SRGAP3: variants seen among roughly 807,000 people sequenced by gnomAD.
The protein encoded by SRGAP3 is SLIT-ROBO Rho GTPase activating protein 3, also known as SLIT-ROBO Rho GTPase-activating protein 3.
A neutral mutation model predicts 121.1 loss-of-function variants in SRGAP3; 39 were observed. The observed-to-expected ratio is 0.32, with a 90% CI of 0.25 to 0.42. The LOEUF (loss-of-function observed/expected upper bound fraction) is 0.42. SRGAP3 is among the 10% of genes least tolerant of loss of function. The pLI is 1.00. For synonymous variants in SRGAP3, 601 were observed against 570.0 expected (o/e 1.05, Z -0.77); for missense variants, 1,213 against 1,470.6 (o/e 0.82, Z 2.86).
intron 2 of SRGAP3, among the ~76,000 whole-genome samples, chr3:9,113,598 C>G (rs1467450001): frequency 6.6e-6 from 1 of 152,048 alleles, no homozygotes; most frequent in African/African-American, 2.4e-5. Flanking sequence ...ACAGTTCCAC[C>G]CTGATATGGT....
At chr3:9,080,754 G>A (rs150455498) in intron 3 of SRGAP3, among the ~76,000 whole-genome samples, 4 of 152,200 alleles carry the variant, frequency 2.6e-5, no homozygotes, top group Non-Finnish European at 4.4e-5. Context: ...TGTGAACTGC[G>A]CATGTGGGGG....
intron 5 of SRGAP3, 68 bp from the exon 6 acceptor site, chr3:9,060,427 C>CATTTT (rs1946093194): frequency 3.0e-6 from 3 of 986,610 alleles, no homozygotes; most frequent in Non-Finnish European, 4.0e-6. Flanking sequence ...ATTTTCTATT[C>CATTTT]CTTTTTTTTT....
chr3:9,241,239 T>TA (rs987529179), intron 1 of SRGAP3, among the ~76,000 whole-genome samples: 27 of 148,070 alleles, frequency 1.8e-4, no homozygotes, highest in African/African-American at 4.2e-4. Flanking sequence ...ACATAGAAGC[T>TA]AAAAAAAAAA....
intron 1 of SRGAP3, among the ~76,000 whole-genome samples, chr3:9,232,976 G>GC (rs1953270362): frequency 6.6e-6 from 1 of 152,080 alleles, no homozygotes; most frequent in African/African-American, 2.4e-5. Flanking sequence ...TTTTAGTACT[G>GC]CCCCACCTTA....
At chr3:9,350,593 T>C (rs1173062717) in intron 1 of SRGAP3, among the ~76,000 whole-genome samples, 3 of 152,252 alleles carry the variant, frequency 2.0e-5, no homozygotes, top group Non-Finnish European at 4.4e-5. Flanking sequence ...AGAAATATGC[T>C]TCCACATTAT....
intron 1 of SRGAP3, among the ~76,000 whole-genome samples, chr3:9,237,103 G>A (rs746777743): frequency 6.6e-6 from 1 of 152,170 alleles, no homozygotes; most frequent in Non-Finnish European, 1.5e-5. Flanking sequence ...CTCAATCAGG[G>A]TTTGGGGAAA....
intron 3 of SRGAP3, among the ~76,000 whole-genome samples, chr3:9,096,937 G>GTATATATATATA (rs58305278): frequency 2.8e-4 from 17 of 61,288 alleles, no homozygotes; most frequent in East Asian, 6.7e-4. Flanking sequence ...ACATTATTTT[G>GTATATATATATA]TATATATATA....
At chr3:9,151,492 A>T (rs1188944381) in intron 1 of SRGAP3, among the ~76,000 whole-genome samples, 1 of 152,214 alleles carries the variant, frequency 6.6e-6, no homozygotes. Context: ...GATGCATTTT[A>T]GGAATATTAA....
At chr3:9,064,620 T>C (rs1459477231) in intron 4 of SRGAP3, 39 bp from the exon 5 acceptor site, 12 of 1,612,332 alleles carry the variant, frequency 7.4e-6, no homozygotes, top group Non-Finnish European at 1.0e-5. Context: ...CAGCCAGCTA[T>C]GGCCCAGCAC....
intron 3 of SRGAP3, among the ~76,000 whole-genome samples, chr3:9,306,139 T>C (rs1416754296): frequency 1.3e-5 from 2 of 152,258 alleles, no homozygotes; most frequent in African/African-American, 4.8e-5. Context: ...ATTGTGGTTT[T>C]GATCTGCATT....
chr3:9,202,867 A>G (rs990363912), intron 1 of SRGAP3, among the ~76,000 whole-genome samples: 3 of 152,232 alleles, frequency 2.0e-5, no homozygotes, highest in African/African-American at 7.2e-5. Flanking sequence ...AACATGCTCT[A>G]GGCTGAAGTA....
intron 1 of SRGAP3, among the ~76,000 whole-genome samples, chr3:9,126,645 CTAAATAAATAAA>C (rs1328680002): frequency 1.5e-5 from 2 of 129,310 alleles, no homozygotes; most frequent in African/African-American, 3.0e-5. Context: ...AACTAACTAA[CTAAATAAATAAA>C]TAAATAAATA....
intron 1 of SRGAP3, among the ~76,000 whole-genome samples, chr3:9,182,175 C>CAA (rs34305216): frequency 0.019 from 695 of 37,270 alleles, 124 homozygotes; most frequent in East Asian, 0.035. Flanking sequence ...GACTCTGTCT[C>CAA]AAAAAAAAAA....
chr3:9,025,131 G>T (rs1010943469), intron 14 of SRGAP3, 130 bp downstream of exon 14: 8 of 894,454 alleles, frequency 8.9e-6, no homozygotes, highest in Admixed American at 5.4e-5. Flanking sequence ...AAGTTGGGAA[G>T]AGATGTGCAC....
At position 9,013,775 on chromosome 3, in the gene SRGAP3, G is replaced by A. The variant is rs529793821; in HGVS notation, c.1881C>T (p.Val627=). 16 of 1,614,154 alleles carry A rather than the reference G, an allele frequency of 9.9e-6. No homozygotes were observed. In the South Asian group the frequency reaches 1.6e-4, roughly 17 times the overall value. ...CGAAGAGGTATCTCATGACCACAAT[G>A]ACCACGCGGGGAAGGGTGACGAGGA... ...QQILVTLPRV[V]IVVMRYLFAF... is the part of the protein sequence containing the mutation. Residue 627 remains valine (V), a synonymous_variant, in exon 16 of 22, where the codon GTC becomes GTT. Coordinates refer to ENST00000383836, the MANE Select transcript of SRGAP3 (RefSeq NM_014850.4).
intron 1 of SRGAP3, among the ~76,000 whole-genome samples, chr3:9,228,420 A>C (rs1050237944): frequency 3.5e-4 from 53 of 152,226 alleles, no homozygotes; most frequent in African/African-American, 1.2e-3. Context: ...GCACAGCCAG[A>C]CCACTTCCTG....
chr3:9,298,217 G>T (rs1435504565), intron 3 of SRGAP3, among the ~76,000 whole-genome samples: 1 of 152,198 alleles, frequency 6.6e-6, no homozygotes, highest in Non-Finnish European at 1.5e-5. Context: ...AAATTGTGGA[G>T]AAATGTACTT....
chr3:9,006,005 G>T (rs1337327175), intron 18 of SRGAP3, among the ~76,000 whole-genome samples: 13 of 152,188 alleles, frequency 8.5e-5, no homozygotes, highest in African/African-American at 3.1e-4. Flanking sequence ...TGAGCCAAAT[G>T]CCGCAAGCCA....
chr3:9,023,584 C>A lies in SRGAP3; in HGVS notation c.1678+1677G>T, dbSNP rs1166506525. Among the ~76,000 whole-genome samples the A allele has an allele frequency of 2.0e-5, 3 of 152,200 alleles. No individual in the cohort carries two copies. The East Asian group carries it at 5.8e-4, about 29-fold the overall frequency. On this transcript the variant is annotated intron_variant, in intron 14 of 21. Coordinates refer to ENST00000383836, the MANE Select transcript of SRGAP3 (RefSeq NM_014850.4). The stretch of plus-strand genomic sequence containing the variant: ...GCTGGGCTAGGGCCTCCTATGCTCC[C>A]CAATGCCTACTCTATCATTGCACTG...
Sources: allele counts gnomAD v4.1 joint callset (sites outside exome capture counted in the v4.1 genomes callset), GRCh38; gene constraint gnomAD v4.1.1; transcripts MANE v1.5; gene names NCBI Gene and HGNC (gene_info 2026-07-23, HGNC 2026-07-21).